RANBP3: variants seen among roughly 807,000 people sequenced by gnomAD.
The protein encoded by RANBP3 is ran-binding protein 3.
A neutral mutation model predicts 77.3 loss-of-function variants in RANBP3; 14 were observed. The observed-to-expected ratio is 0.18, with a 90% CI of 0.12 to 0.28. The LOEUF (loss-of-function observed/expected upper bound fraction) is 0.28. RANBP3 is among the 10% of genes least tolerant of loss of function. The pLI is 1.00. For missense variants in RANBP3, 586 were observed against 752.3 expected, an observed-to-expected ratio of 0.78 and a Z score of 2.59; for synonymous variants, 315 against 312.4, an observed-to-expected ratio of 1.01 and a Z score of -0.09.
chr19:5,919,428 G>T, intron 14 of RANBP3, among the ~76,000 whole-genome samples: 1 of 152,222 alleles, frequency 6.6e-6, no homozygotes, highest in Non-Finnish European at 1.5e-5. Context: ...CTCAGAGGCC[G>T]AGTGGGAGAA....
chr19:5,973,682 C>A (rs2145290911), intron 1 of RANBP3, among the ~76,000 whole-genome samples: 1 of 152,328 alleles, frequency 6.6e-6, no homozygotes, highest in Non-Finnish European at 1.5e-5. Flanking sequence ...TTCACCCACA[C>A]AATGGAGACT....
intron 2 of RANBP3, among the ~76,000 whole-genome samples, chr19:5,954,635 C>A (rs776108114): frequency 6.6e-6 from 1 of 151,802 alleles, no homozygotes; most frequent in Admixed American, 6.6e-5. Flanking sequence ...AAGGGTGGGG[C>A]GGGGGGAACC....
intron 14 of RANBP3, chr19:5,920,785 T>A (rs971428860): frequency 6.5e-6 from 1 of 154,022 alleles, no homozygotes; most frequent in African/African-American, 2.4e-5. Context: ...TGACCTCAGG[T>A]GATCCGCCCA....
chr19:5,932,238 G>C (rs916099979), intron 7 of RANBP3, among the ~76,000 whole-genome samples: 5 of 152,188 alleles, frequency 3.3e-5, no homozygotes, highest in African/African-American at 1.2e-4. Flanking sequence ...TGAGGAAGCT[G>C]TGGAGCCGCC....
chr19:5,964,451 C>T (rs2058439881), intron 1 of RANBP3, among the ~76,000 whole-genome samples: 1 of 152,156 alleles, frequency 6.6e-6, no homozygotes, highest in Admixed American at 6.5e-5. Flanking sequence ...TCAGCAATTC[C>T]ACACATCCCA....
At position 5,921,082 on chromosome 19, in the gene RANBP3, T is replaced by C; in HGVS notation, c.1330+119A>G. The C allele has an allele frequency of 3.7e-6, 5 of 1,335,358 alleles. No homozygotes were observed. The South Asian group carries it at 7.3e-5, about 20-fold the overall frequency. 82.7% of individuals were successfully genotyped at this position (1,335,358 alleles called of 1,614,324 possible). A position where few individuals can be genotyped will look rare whatever the true frequency, so the allele number is the denominator to read the frequency against. ...CGGCTCTCATGGGAGACCGACTCTG[T>C]GCCTTGACTCTCACAAGGGTAGGGT... On this transcript the variant is annotated intron_variant, in intron 14 of 16. Coordinates refer to ENST00000340578, the MANE Select transcript of RANBP3 (RefSeq NM_007322.3). This position sits in a 1 kb window ranked among gnomAD's most constrained non-coding sequence, Gnocchi z 5.3.
chr19:5,964,383 C>G (rs559437389), intron 1 of RANBP3, among the ~76,000 whole-genome samples: 2 of 152,316 alleles, frequency 1.3e-5, no homozygotes, highest in East Asian at 3.9e-4. Flanking sequence ...CCTAGTTGAG[C>G]CTGGGAACCA....
chr19:5,961,879 G>A (rs539531698), intron 1 of RANBP3, among the ~76,000 whole-genome samples: 4 of 151,944 alleles, frequency 2.6e-5, no homozygotes, highest in Admixed American at 1.3e-4. Flanking sequence ...GTCGCTGCAC[G>A]TCCCACACTT....
intron 1 of RANBP3, among the ~76,000 whole-genome samples, chr19:5,971,007 C>A (rs2058523812): frequency 6.6e-6 from 1 of 152,138 alleles, no homozygotes; most frequent in Non-Finnish European, 1.5e-5. Flanking sequence ...AGCGGAGAAA[C>A]CCACACTGTA....
At chr19:5,932,637 C>T (rs948450407) in intron 6 of RANBP3, 93 bp from the exon 7 acceptor site, 7 of 982,946 alleles carry the variant, frequency 7.1e-6, no homozygotes, top group Non-Finnish European at 1.1e-5. Context: ...ATTTCATGCC[C>T]CTTGCAGGCT....
intron 5 of RANBP3, among the ~76,000 whole-genome samples, chr19:5,937,084 A>G (rs1396601982): frequency 1.4e-5 from 2 of 143,610 alleles, no homozygotes; most frequent in African/African-American, 2.6e-5. Flanking sequence ...AAAAAAAAAA[A>G]GGAAGAAAAT....
intron 8 of RANBP3, among the ~76,000 whole-genome samples, chr19:5,929,334 C>T (rs1043910042): frequency 1.3e-5 from 2 of 152,234 alleles, no homozygotes; most frequent in African/African-American, 2.4e-5. Context: ...CCACTGGGGC[C>T]GCCTGCATCC....
intron 5 of RANBP3, 47 bp downstream of exon 5, chr19:5,941,574 T>C (rs2058137550): frequency 6.7e-7 from 1 of 1,498,214 alleles, no homozygotes; most frequent in Non-Finnish European, 9.2e-7. Context: ...AATGGCGGGT[T>C]TGTAAGCATA....
At chr19:5,925,911 C>T in intron 9 of RANBP3, 174 bp from the exon 10 acceptor site, 1 of 604,836 alleles carries the variant, frequency 1.7e-6, no homozygotes, top group Middle Eastern at 4.1e-4. Flanking sequence ...CTATAATCAA[C>T]TCCATCACCT....
At chr19:5,945,006 T>C (rs1469142282) in intron 3 of RANBP3, among the ~76,000 whole-genome samples, 2 of 152,106 alleles carry the variant, frequency 1.3e-5, no homozygotes, top group African/African-American at 4.8e-5. Context: ...AGTGACGCCC[T>C]CCTTTTCCCT....
intron 2 of RANBP3, among the ~76,000 whole-genome samples, chr19:5,953,183 G>A (rs2058295891): frequency 1.3e-5 from 2 of 152,144 alleles, no homozygotes; most frequent in Non-Finnish European, 2.9e-5. Context: ...GTGTTGAGAA[G>A]TATTACATCA....
At chr19:5,974,661 A>T (rs1336814709) in intron 1 of RANBP3, among the ~76,000 whole-genome samples, 1 of 152,086 alleles carries the variant, frequency 6.6e-6, no homozygotes, top group Non-Finnish European at 1.5e-5. Flanking sequence ...TTTACACAAC[A>T]GAAAACATTT....
chr19:5,918,405 T>TCCCCA (rs1241455331), intron 15 of RANBP3, 91 bp downstream of exon 15: 50 of 130,834 alleles, frequency 3.8e-4, no homozygotes, highest in Middle Eastern at 7.7e-3. Flanking sequence ...CCCCCTCCCC[T>TCCCCA]CCCCACCGTC....
chr19:5,965,900 A>C (rs1437735402), intron 1 of RANBP3: 1 of 152,244 alleles, frequency 6.6e-6, no homozygotes, highest in African/African-American at 2.4e-5. Context: ...CAACCACCTT[A>C]GGAGGTGGCT....
Sources: gnomAD v4.1 joint callset for allele counts (sites outside exome capture counted in the v4.1 genomes callset) on GRCh38, gnomAD v4.1.1 for gene constraint, Gnocchi (gnomAD v3.1) non-coding constraint, MANE v1.5 for transcripts, NCBI Gene and HGNC (gene_info 2026-07-23, HGNC 2026-07-21) for gene names.